The following ZFP91 variants were observed in gnomAD, a reference collection of about 807,000 sequenced individuals.
ZFP91 encodes the protein E3 ubiquitin-protein ligase ZFP91.
Under a neutral mutation model 63.5 loss-of-function variants are expected in ZFP91, and 7 were observed. The ratio of observed to expected loss-of-function variants is 0.11; its 90% CI spans 0.06 to 0.21. ZFP91 has a LOEUF of 0.21. ZFP91 is among the 10% of genes least tolerant of loss of function. The pLI is 1.00. For synonymous variants in ZFP91, 330 were observed against 272.1 expected (o/e 1.21, Z -2.10); for missense variants, 628 against 736.6 (o/e 0.85, Z 1.71).
intron 2 of ZFP91, among the ~76,000 whole-genome samples, chr11:58,603,787 G>A (rs1855528469): frequency 1.3e-5 from 2 of 152,166 alleles, no homozygotes; most frequent in South Asian, 2.1e-4. Context: ...ACTAACTTGG[G>A]ACCCCTGACC....
chr11:58,579,816 C>G (rs1405460907), intron 1 of ZFP91, among the ~76,000 whole-genome samples, 194 bp downstream of exon 1: 1 of 152,120 alleles, frequency 6.6e-6, no homozygotes, highest in Admixed American at 6.5e-5. Flanking sequence ...CGCTCCTGTA[C>G]CTTCGCTTGT....
chr11:58,620,635 A>C lies in ZFP91; in HGVS notation c.*2929A>C, dbSNP rs1183572463. The C allele has an allele frequency of 3.3e-5, 5 of 152,648 alleles. No homozygotes were observed. In the East Asian group the frequency reaches 9.6e-4, roughly 29 times the overall value. The allele number at this position is 152,648 out of a possible 1,614,324, so 9.5% of individuals were successfully genotyped here. ...AATATCGAGGTATAGACTAGCATCCACATAGAGCACTTGAACCTCCTTTGT... is the reference window on the plus strand; with the variant it reads ...AATATCGAGGTATAGACTAGCATCCCCATAGAGCACTTGAACCTCCTTTGT... On this transcript the variant is annotated 3_prime_UTR_variant, in exon 11 of 11. Coordinates refer to ENST00000316059, the MANE Select transcript of ZFP91 (RefSeq NM_053023.5).
intron 6 of ZFP91, 93 bp downstream of exon 6, chr11:58,611,831 A>G (rs1217326953): frequency 1.4e-6 from 2 of 1,405,588 alleles, no homozygotes; most frequent in African/African-American, 1.5e-5. Context: ...GTTGACGTAT[A>G]CATGCTTCAA....
intron 2 of ZFP91, among the ~76,000 whole-genome samples, chr11:58,604,570 T>TATTC (rs1855540815): frequency 1.3e-5 from 2 of 152,380 alleles, no homozygotes; most frequent in Middle Eastern, 3.4e-3. Flanking sequence ...TCTTGCTTAC[T>TATTC]ATTCGCATGT....
intron 2 of ZFP91, among the ~76,000 whole-genome samples, chr11:58,592,777 T>C (rs1464569417): frequency 6.6e-6 from 1 of 152,084 alleles, no homozygotes; most frequent in Non-Finnish European, 1.5e-5. Flanking sequence ...CCCTTTTGAG[T>C]TGCTAGAAAG....
In ZFP91 at chr11:58,619,870, T is replaced by C. The variant is rs1422604659; in HGVS notation, c.*2164T>C. The C allele has an allele frequency of 6.6e-6, 1 of 152,218 alleles. No homozygotes were observed. The allele number at this position is 152,218 out of a possible 1,614,324, so 9.4% of individuals were successfully genotyped here. A position where few individuals can be genotyped will look rare whatever the true frequency, so the allele number is the denominator to read the frequency against. On this transcript the variant is annotated 3_prime_UTR_variant, in exon 11 of 11. Transcript: ENST00000316059. ...ACAAAAAAGTTGTCCTCCTCTCAGG[T>C]CCCTTTTACACTTTTTGACTAACTA...
intron 8 of ZFP91, 38 bp from the exon 9 acceptor site, chr11:58,614,190 AT>A (rs755617473): frequency 0.036 from 34,770 of 975,350 alleles, 4 homozygotes; most frequent in South Asian, 0.049. Context: ...GGAAGCCTTA[AT>A]TTTTTTTTTT....
intron 2 of ZFP91, among the ~76,000 whole-genome samples, chr11:58,585,503 TG>T (rs1855191656): frequency 6.6e-6 from 1 of 152,236 alleles, no homozygotes; most frequent in Non-Finnish European, 1.5e-5. Context: ...TTCTAGTTTT[TG>T]GCTGTGTTCC....
At chr11:58,601,245 A>C (rs1855486347) in intron 2 of ZFP91, among the ~76,000 whole-genome samples, 1 of 152,108 alleles carries the variant, frequency 6.6e-6, no homozygotes, top group African/African-American at 2.4e-5. Context: ...TGGCCTTTTT[A>C]TTGGGAGCTT....
At chr11:58,586,143 A>T (rs1855205118) in intron 2 of ZFP91, among the ~76,000 whole-genome samples, 1 of 152,176 alleles carries the variant, frequency 6.6e-6, no homozygotes, top group Non-Finnish European at 1.5e-5. Flanking sequence ...AGATTTTATG[A>T]TGTGGAGAAA....
chr11:58,594,031 T>C (rs1855353723), intron 2 of ZFP91, among the ~76,000 whole-genome samples: 1 of 152,236 alleles, frequency 6.6e-6, no homozygotes, highest in African/African-American at 2.4e-5. Flanking sequence ...ACCTAGCATC[T>C]ACTCTTGCCC....
chr11:58,606,117 A>G lies in ZFP91; in HGVS notation c.371-3713A>G, dbSNP rs191506107. Among the ~76,000 whole-genome samples, 881 of 151,948 alleles carry G rather than the reference A, an allele frequency of 5.8e-3. 5 individuals are homozygous for G. The highest frequency in any genetic ancestry group is 8.6e-3 in the Non-Finnish European group (581 of 67,944). ...ACTCTTGTCGCCTATGCTGGAGTGC[A>G]ATGGTGTTATCTCGGCTCACTGCAC... is the stretch of plus-strand genomic sequence containing the variant. On this transcript the variant is annotated intron_variant, in intron 2 of 10. Transcript: ENST00000316059.
chr11:58,596,308 A>G (rs1855403249), intron 2 of ZFP91, among the ~76,000 whole-genome samples: 1 of 152,212 alleles, frequency 6.6e-6, no homozygotes, highest in Non-Finnish European at 1.5e-5. Flanking sequence ...CAGAGGTAGA[A>G]GGAGTGGCAG....
chr11:58,597,947 G>A (rs146368023), intron 2 of ZFP91, among the ~76,000 whole-genome samples: 87 of 152,206 alleles, frequency 5.7e-4, no homozygotes, highest in Non-Finnish European at 1.1e-3. Context: ...AAGGTTTCAG[G>A]TATTGCTCTA....
chr11:58,600,578 A>G (rs1482376152), intron 2 of ZFP91, among the ~76,000 whole-genome samples: 4 of 152,122 alleles, frequency 2.6e-5, no homozygotes, highest in Admixed American at 6.5e-5. Flanking sequence ...AGAATTTTCT[A>G]TATGTAAGGT....
At chr11:58,592,152 G>A (rs996112303) in intron 2 of ZFP91, among the ~76,000 whole-genome samples, 2 of 145,282 alleles carry the variant, frequency 1.4e-5, no homozygotes, top group East Asian at 2.0e-4. Flanking sequence ...ACGTGATATC[G>A]GCTCACTGCA....
rs1855179307 is a variant in ZFP91 at position 58,584,902 on chromosome 11, T to TCTAGCG, written c.370+18_370+19insCTAGCG. 6.6e-7 allele frequency: 1 copy of TCTAGCG among 1,511,502 alleles called. No homozygotes were observed. The highest frequency in any genetic ancestry group is 2.6e-5 in the East Asian group (1 of 38,162). 93.6% of individuals were successfully genotyped at this position (1,511,502 alleles called of 1,614,324 possible). Reference sequence around the variant, plus strand: ...TGATAAAGGTAAGACTTGGTCATCCTTACCTCTAGCGTACATTACACTGAT... The same window carrying TCTAGCG: ...TGATAAAGGTAAGACTTGGTCATCCTCTAGCGTACCTCTAGCGTACATTACACTGAT... On this transcript the variant is annotated intron_variant, in intron 2 of 10. Coordinates refer to ENST00000316059, the MANE Select transcript of ZFP91 (RefSeq NM_053023.5).
chr11:58,599,418 T>C (rs1439220205), intron 2 of ZFP91, among the ~76,000 whole-genome samples: 1 of 152,110 alleles, frequency 6.6e-6, no homozygotes, highest in African/African-American at 2.4e-5. Context: ...CATAACACTG[T>C]TTTCCTCATT....
At position 58,579,412 on chromosome 11, in the gene ZFP91, C is replaced by G. The variant is rs1855045402; in HGVS notation, c.131C>G (p.Thr44Ser). 2.1e-6 allele frequency: 3 copies of G among 1,453,586 alleles called. No homozygotes were observed. The South Asian group carries it at 4.1e-5, about 20-fold the overall frequency. The allele number at this position is 1,453,586 out of a possible 1,614,324, so 90.0% of individuals were successfully genotyped here. Reference sequence around the variant, plus strand: ...GCGGTCGCGGCGGCGCCTGCAGGGACCACTAGCAGCCGCGTGCTGAGGGGA... The same window carrying G: ...GCGGTCGCGGCGGCGCCTGCAGGGAGCACTAGCAGCCGCGTGCTGAGGGGA... ...PEAVAAAPAGTTSSRVLRGGR... is the reference protein window; with the variant it reads ...PEAVAAAPAGSTSSRVLRGGR... Residue 44 changes from threonine to serine, a missense_variant, in exon 1 of 11, where the codon ACC becomes AGC. Thr to Ser is a moderately conservative substitution (Grantham distance 58). Transcript: ENST00000316059.
Sources: gnomAD v4.1 joint callset for allele counts (sites outside exome capture counted in the v4.1 genomes callset) on GRCh38, gnomAD v4.1.1 for gene constraint, MANE v1.5 for transcripts, NCBI Gene and HGNC (gene_info 2026-07-23, HGNC 2026-07-21) for gene names.